Variants in OR11G2 observed in about 807,000 individuals in gnomAD.
OR11G2 encodes the protein olfactory receptor family 11 subfamily G member 2, also known as olfactory receptor 11G2.
In OR11G2, 2 loss-of-function variants were observed where a neutral mutation model predicts 0.9. The ratio of observed to expected loss-of-function variants is 2.35; its 90% CI spans 0.96 to 7.38. The LOEUF is 7.38. Ranked by LOEUF, OR11G2 falls within the 30% of genes most tolerant of loss-of-function variation. OR11G2 has a pLI of 0.05. For synonymous variants in OR11G2, 153 were observed against 142.0 expected (o/e 1.08, Z -0.55); for missense variants, 395 against 371.3 (o/e 1.06, Z -0.52).
chr14:20,198,027 C>T lies in OR11G2; in HGVS notation c.590C>T (p.Pro197Leu), dbSNP rs951745845. ...CTAACTCTCACTTGCAAAAAAGGCCCTGTGATAGAGCTTGTCTTTTCTGTC... is the reference window on the plus strand; with the variant it reads ...CTAACTCTCACTTGCAAAAAAGGCCTTGTGATAGAGCTTGTCTTTTCTGTC... Reference protein sequence around the residue: ...PLLTLTCKKGPVIELVFSVLS... With the variant: ...PLLTLTCKKGLVIELVFSVLS... Residue 197 changes from proline (P) to leucine (L), a missense_variant, in exon 2 of 2, where the codon CCT becomes CTT. Pro to Leu is a moderately conservative substitution (Grantham distance 98). Coordinates refer to ENST00000641879, the MANE Select transcript of OR11G2 (RefSeq NM_001386033.1). 1.2e-6 allele frequency: 2 copies of T among 1,614,092 alleles called. No homozygotes were observed. The highest frequency in any genetic ancestry group is 1.7e-6 in the Non-Finnish European group (2 of 1,180,016).
intron 1 of OR11G2, among the ~76,000 whole-genome samples, chr14:20,195,488 T>A (rs986762112): frequency 6.6e-6 from 1 of 152,192 alleles, no homozygotes; most frequent in Non-Finnish European, 1.5e-5. Flanking sequence ...TGCAGTGAGC[T>A]GCAATTGTGC....
At chr14:20,194,168 T>C (rs1046356841) in intron 1 of OR11G2, among the ~76,000 whole-genome samples, 174 of 152,284 alleles carry the variant, frequency 1.1e-3, no homozygotes, top group African/African-American at 4.0e-3. Flanking sequence ...CAAAGAGCAT[T>C]GGGAAGCTAA....
chr14:20,200,576 A>T lies in OR11G2; in HGVS notation c.*2203A>T, dbSNP rs79103623. ...TAGCTGGTGGGCGTATCAGCTTTAC[A>T]AACTCTATATAGGGTGACAAGGCAA... On this transcript the variant is annotated 3_prime_UTR_variant, in exon 2 of 2. Transcript: ENST00000641879. 0.12 allele frequency: 18,530 copies of T among 152,206 alleles called. 1,205 individuals are homozygous for T. Among genetic ancestry groups the T allele is most frequent in the Admixed American group, 0.15 (2,284 of 15,282 alleles). The allele number at this position is 152,206 out of a possible 1,614,324, so 9.4% of individuals were successfully genotyped here. A position where few individuals can be genotyped will look rare whatever the true frequency, so the allele number is the denominator to read the frequency against.
rs1215153706 is a variant in OR11G2, at chr14:20,191,112, G to A, written c.-559G>A. 4 of 152,200 alleles carry A rather than the reference G, an allele frequency of 2.6e-5. No individual in the cohort carries two copies. The highest frequency in any genetic ancestry group is 9.7e-5 in the African/African-American group (4 of 41,448). The allele number at this position is 152,200 out of a possible 1,614,324, so 9.4% of individuals were successfully genotyped here. ...AGTTTCCAGGATTGGTAAAGCCTAG[G>A]TTGTAATTCAAGTCCTAGGCTCCTT... On this transcript the variant is annotated 5_prime_UTR_variant, in exon 1 of 2. Transcript: ENST00000641879.
In OR11G2 at chr14:20,199,692, C is replaced by T. The variant is rs2139117611; in HGVS notation, c.*1319C>T. The stretch of plus-strand genomic sequence containing the variant: ...TTTTCTATTCTATCTAGATTCCATA[C>T]ATTCTCACTTCTTCCTTCACTTTCA... On this transcript the variant is annotated 3_prime_UTR_variant, in exon 2 of 2. Coordinates refer to ENST00000641879, the MANE Select transcript of OR11G2 (RefSeq NM_001386033.1). 6.6e-6 allele frequency: 1 copy of T among 152,322 alleles called. No homozygotes were observed. The highest frequency in any genetic ancestry group is 2.1e-4 in the South Asian group (1 of 4,824). 9.4% of individuals were successfully genotyped at this position (152,322 alleles called of 1,614,324 possible).
intron 1 of OR11G2, among the ~76,000 whole-genome samples, chr14:20,196,158 G>T (rs928767493): frequency 2.6e-5 from 4 of 152,168 alleles, no homozygotes; most frequent in African/African-American, 9.7e-5. Context: ...CGTCCTCCCT[G>T]GTAGAGAGGA....
Position 20,196,066 on chromosome 14 carries a change from G to A in OR11G2, c.-4-1368G>A, listed in dbSNP as rs564904000. On this transcript the variant is annotated intron_variant, in intron 1 of 1. Coordinates refer to ENST00000641879, the MANE Select transcript of OR11G2 (RefSeq NM_001386033.1). ...AAACTAATGGAAGATACAGACTAAA[G>A]TTGGTAAAAATTGTTATATAGATTC... is the stretch of plus-strand genomic sequence containing the variant. 7.9e-5 allele frequency among the ~76,000 whole-genome samples: 12 copies of A among 152,308 alleles called. 1 individual carries two copies. The East Asian group carries it at 2.3e-3, about 29-fold the overall frequency.
rs139019748 is a variant in OR11G2, at chr14:20,190,942, C to CT, written c.-729_-728insT. 0.024 allele frequency: 3,729 copies of CT among 152,378 alleles called. 129 individuals carry two copies. The highest frequency in any genetic ancestry group is 0.17 in the East Asian group (900 of 5,162). 9.4% of individuals were successfully genotyped at this position (152,378 alleles called of 1,614,324 possible). On this transcript the variant is annotated 5_prime_UTR_variant, in exon 1 of 2. The change creates a premature stop within an existing upstream ORF in the 5' untranslated region. Coordinates refer to ENST00000641879, the MANE Select transcript of OR11G2 (RefSeq NM_001386033.1). ...CCATCCTCCAGCAAACACCAAGAGACCTTCTCCCTATTTCTGCTCCTTCAT... is the reference window on the plus strand; with the variant it reads ...CCATCCTCCAGCAAACACCAAGAGACTCTTCTCCCTATTTCTGCTCCTTCAT...
rs1014254133 is a variant in OR11G2 at position 20,200,418 on chromosome 14, C to G, written c.*2045C>G. ...TTCTTAAACATGGAAAGGGCACTAA[C>G]TAATTCATAAAAAGGTAAAAGTAGA... is the stretch of plus-strand genomic sequence containing the variant. On this transcript the variant is annotated 3_prime_UTR_variant, in exon 2 of 2. Coordinates refer to ENST00000641879, the MANE Select transcript of OR11G2 (RefSeq NM_001386033.1). 4 of 152,156 alleles carry G rather than the reference C, an allele frequency of 2.6e-5. No homozygotes were observed. Among genetic ancestry groups the G allele is most frequent in the African/African-American group, 9.7e-5 (4 of 41,430 alleles). 9.4% of individuals were successfully genotyped at this position (152,156 alleles called of 1,614,324 possible).
In OR11G2 at chr14:20,194,166, A is replaced by G. The variant is rs565895514; in HGVS notation, c.-5+2500A>G. Reference sequence around the variant, plus strand: ...CAAAGTTTTATTTTATTCAAAGAGCATTGGGAAGCTAATTGAAATCTATGT... The same window carrying G: ...CAAAGTTTTATTTTATTCAAAGAGCGTTGGGAAGCTAATTGAAATCTATGT... On this transcript the variant is annotated intron_variant, in intron 1 of 1. Coordinates refer to ENST00000641879, the MANE Select transcript of OR11G2 (RefSeq NM_001386033.1). Among the ~76,000 whole-genome samples the G allele has an allele frequency of 2.6e-5, 4 of 152,340 alleles. No homozygotes were observed. The East Asian group carries it at 7.7e-4, about 29-fold the overall frequency.
rs1320050347 is a variant in OR11G2, at chr14:20,191,430, A to G, written c.-241A>G. 1 of 152,260 alleles carries G rather than the reference A, an allele frequency of 6.6e-6. No individual in the cohort carries two copies. The highest frequency in any genetic ancestry group is 2.4e-5 in the African/African-American group (1 of 41,466). 9.4% of individuals were successfully genotyped at this position (152,260 alleles called of 1,614,324 possible). On this transcript the variant is annotated 5_prime_UTR_variant, in exon 1 of 2. Coordinates refer to ENST00000641879, the MANE Select transcript of OR11G2 (RefSeq NM_001386033.1). Reference sequence around the variant, plus strand: ...GGCTAACTTAATGTGGGTCTAATCCAACATTTCTGAGATATAATGAGGGTG... The same window carrying G: ...GGCTAACTTAATGTGGGTCTAATCCGACATTTCTGAGATATAATGAGGGTG...
At position 20,200,355 on chromosome 14, in the gene OR11G2, G is replaced by A. The variant is rs890103602; in HGVS notation, c.*1982G>A. ...CAGAACAGTATCCCAGTAAGAAAAT[G>A]AGCAAAAGGATATAAACGAATAACA... is the stretch of plus-strand genomic sequence containing the variant. On this transcript the variant is annotated 3_prime_UTR_variant, in exon 2 of 2. Transcript: ENST00000641879. 1.3e-5 allele frequency: 2 copies of A among 152,092 alleles called. No homozygotes were observed. The highest frequency in any genetic ancestry group is 2.4e-5 in the African/African-American group (1 of 41,418). The allele number at this position is 152,092 out of a possible 1,614,324, so 9.4% of individuals were successfully genotyped here.
intron 1 of OR11G2, among the ~76,000 whole-genome samples, chr14:20,192,450 A>C (rs1275757856): frequency 6.6e-6 from 1 of 152,192 alleles, no homozygotes; most frequent in Non-Finnish European, 1.5e-5. Flanking sequence ...TCCTAATTCT[A>C]TATCCAAAGC....
In OR11G2 at chr14:20,197,961, C is replaced by T. The variant is rs765512276; in HGVS notation, c.524C>T (p.Ser175Phe). The stretch of plus-strand genomic sequence containing the variant: ...ATCTCCCAAATGTCCTTCTGTGGAT[C>T]TAGGATTATTGACCACTTCCTATGT... Reference protein sequence around the residue: ...VNISQMSFCGSRIIDHFLCDP... With the variant: ...VNISQMSFCGFRIIDHFLCDP... Residue 175 changes from serine to phenylalanine, a missense_variant, in exon 2 of 2, where the codon TCT becomes TTT. By Grantham distance (155) the Ser-to-Phe change is radical. Transcript: ENST00000641879. 1 of 1,613,984 alleles carries T rather than the reference C, an allele frequency of 6.2e-7. No homozygotes were observed. The highest frequency in any genetic ancestry group is 1.1e-5 in the South Asian group (1 of 91,084).
chr14:20,193,497 G>T (rs574933908), intron 1 of OR11G2, among the ~76,000 whole-genome samples: 1 of 152,304 alleles, frequency 6.6e-6, no homozygotes, highest in South Asian at 2.1e-4. Flanking sequence ...CCCTATAAAT[G>T]TGTACAGTAG....
chr14:20,194,643 A>G (rs964285462), intron 1 of OR11G2, among the ~76,000 whole-genome samples: 6 of 152,216 alleles, frequency 3.9e-5, no homozygotes, highest in African/African-American at 1.2e-4. Context: ...TGATCATAAT[A>G]AAGTTATATT....
chr14:20,196,574 T>C (rs924991149), intron 1 of OR11G2, among the ~76,000 whole-genome samples: 9 of 152,250 alleles, frequency 5.9e-5, no homozygotes, highest in Admixed American at 5.9e-4. Context: ...AAGTGGTTAC[T>C]GGGAGATGGA....
At chr14:20,191,890 CATT>C (rs1262624165) in intron 1 of OR11G2, among the ~76,000 whole-genome samples, 2 of 80,684 alleles carry the variant, frequency 2.5e-5, no homozygotes, top group Non-Finnish European at 4.4e-5. Flanking sequence ...ACCCAACTGG[CATT>C]TTTTTTTTTT....
At chr14:20,193,004 G>GA (rs1879685238) in intron 1 of OR11G2, among the ~76,000 whole-genome samples, 1 of 152,236 alleles carries the variant, frequency 6.6e-6, no homozygotes, top group Admixed American at 6.5e-5. Context: ...TAATTTAGCT[G>GA]AAAGTTGGCC....
Sources: allele counts gnomAD v4.1 joint callset (sites outside exome capture counted in the v4.1 genomes callset), GRCh38; gene constraint gnomAD v4.1.1; transcripts MANE v1.5; gene names NCBI Gene and HGNC (gene_info 2026-07-23, HGNC 2026-07-21).